ADD3: variants seen among roughly 807,000 people sequenced by gnomAD.
ADD3 encodes gamma-adducin.
A neutral mutation model predicts 80.2 loss-of-function variants in ADD3; 25 were observed. The ratio of observed to expected loss-of-function variants is 0.31; its 90% CI spans 0.23 to 0.44. The LOEUF is 0.44. Among genes scored for constraint, ADD3 ranks in the 20% least tolerant of loss-of-function variants. The probability of loss-of-function intolerance (pLI) is 1.00; values close to 1 mark genes in which losing one functional copy is unlikely to be tolerated. For synonymous variants in ADD3, 284 were observed against 289.6 expected (o/e 0.98, Z 0.20); for missense variants, 829 against 847.5 (o/e 0.98, Z 0.27).
intron 1 of ADD3, among the ~76,000 whole-genome samples, chr10:110,067,195 T>C (rs1472277456): frequency 1.3e-5 from 2 of 152,244 alleles, no homozygotes; most frequent in Non-Finnish European, 2.9e-5. Context: ...CTGAAATATT[T>C]TTCAACTTTC....
intron 1 of ADD3, among the ~76,000 whole-genome samples, chr10:110,083,002 T>C (rs1487805047): frequency 6.6e-6 from 1 of 152,194 alleles, no homozygotes. Flanking sequence ...GGGGGTATTA[T>C]GAGTCAAGAG....
intron 14 of ADD3, chr10:110,132,654 G>A (rs181233150): frequency 4.0e-4 from 155 of 389,424 alleles, no homozygotes; most frequent in African/African-American, 5.8e-4. Context: ...TTGGCTGGGC[G>A]CGGTGGCTCA....
At chr10:110,093,760 T>A (rs185479586) in intron 1 of ADD3, among the ~76,000 whole-genome samples, 10 of 152,340 alleles carry the variant, frequency 6.6e-5, no homozygotes, top group Admixed American at 6.5e-4. Flanking sequence ...TTTGTCTTTA[T>A]GCATCTTATT....
At chr10:110,011,973 A>C (rs1269012123) in intron 1 of ADD3, among the ~76,000 whole-genome samples, 2 of 152,244 alleles carry the variant, frequency 1.3e-5, no homozygotes, top group African/African-American at 2.4e-5. Flanking sequence ...AATCCTCTAA[A>C]ACATACAGGT....
chr10:110,021,803 G>C (rs1196845031), intron 1 of ADD3, among the ~76,000 whole-genome samples: 1 of 152,066 alleles, frequency 6.6e-6, no homozygotes, highest in African/African-American at 2.4e-5. Flanking sequence ...GGTGATGGTT[G>C]TGCAACATTG....
chr10:110,020,335 A>T (rs888839573), intron 1 of ADD3, among the ~76,000 whole-genome samples: 1 of 152,192 alleles, frequency 6.6e-6, no homozygotes, highest in African/African-American at 2.4e-5. Flanking sequence ...TACGTTAGTG[A>T]TAAATGTTAT....
chr10:110,121,066 T>A (rs948600589), intron 8 of ADD3, among the ~76,000 whole-genome samples: 34 of 151,970 alleles, frequency 2.2e-4, no homozygotes, highest in Non-Finnish European at 4.9e-4. Flanking sequence ...AACCTAGGCA[T>A]TACCATTCAG....
chr10:110,113,484 G>C (rs191095009), intron 3 of ADD3, among the ~76,000 whole-genome samples: 1 of 152,050 alleles, frequency 6.6e-6, no homozygotes, highest in Non-Finnish European at 1.5e-5. Context: ...GGTTAGGCTG[G>C]TCTTGAACTC....
At chr10:110,083,294 T>C (rs187855883) in intron 1 of ADD3, among the ~76,000 whole-genome samples, 9 of 152,130 alleles carry the variant, frequency 5.9e-5, no homozygotes, top group African/African-American at 2.2e-4. Context: ...GGGAAAACAG[T>C]CCAAATGTAT....
chr10:110,124,397 A>C lies in ADD3; in HGVS notation c.1401+123A>C, dbSNP rs1214449157. 3.4e-6 allele frequency: 4 copies of C among 1,182,174 alleles called. No homozygotes were observed. In the East Asian group the frequency reaches 1.0e-4, roughly 30 times the overall value. The allele number at this position is 1,182,174 out of a possible 1,614,324, so 73.2% of individuals were successfully genotyped here. ...AATATTAAAAATATTACTGTCACTT[A>C]TCTGGCTTTAACTTTGTGCAAGACA... On this transcript the variant is annotated intron_variant, in intron 10 of 14. Transcript: ENST00000356080.
chr10:110,052,803 A>G (rs879257260), intron 1 of ADD3, among the ~76,000 whole-genome samples: 1 of 152,248 alleles, frequency 6.6e-6, no homozygotes, highest in Non-Finnish European at 1.5e-5. Context: ...AGTGACTCAA[A>G]TGAAAGGAAC....
intron 3 of ADD3, among the ~76,000 whole-genome samples, chr10:110,114,056 G>A (rs1412128886): frequency 6.6e-6 from 1 of 152,216 alleles, no homozygotes; most frequent in Non-Finnish European, 1.5e-5. Flanking sequence ...TGCCCTGGAA[G>A]TGTCCTGGAT....
At chr10:110,087,720 CTATT>C (rs1846973343) in intron 1 of ADD3, among the ~76,000 whole-genome samples, 1 of 152,182 alleles carries the variant, frequency 6.6e-6, no homozygotes, top group African/African-American at 2.4e-5. Flanking sequence ...GGTGTGCTAT[CTATT>C]CACACTGTTG....
chr10:110,012,774 T>A (rs1211597709), intron 1 of ADD3, among the ~76,000 whole-genome samples: 1 of 152,158 alleles, frequency 6.6e-6, no homozygotes, highest in African/African-American at 2.4e-5. Context: ...TTTTCTTCTT[T>A]TGTATTTTTG....
intron 5 of ADD3, among the ~76,000 whole-genome samples, chr10:110,118,038 AC>A (rs1850991417): frequency 7.8e-6 from 1 of 128,988 alleles, no homozygotes; most frequent in African/African-American, 3.4e-5. Context: ...ACACACACAC[AC>A]ACACACACAC....
chr10:110,129,392 G>A (rs140668224), intron 12 of ADD3, among the ~76,000 whole-genome samples: 2 of 152,160 alleles, frequency 1.3e-5, no homozygotes, highest in East Asian at 3.9e-4. Context: ...CAGGTGATCT[G>A]CTCGCCTTGG....
At chr10:110,114,850 G>A (rs891717252) in intron 3 of ADD3, among the ~76,000 whole-genome samples, 2 of 152,154 alleles carry the variant, frequency 1.3e-5, no homozygotes, top group African/African-American at 2.4e-5. Context: ...GGCCAAGGCA[G>A]GAGGATCACT....
At chr10:110,017,998 C>T (rs1209617534) in intron 1 of ADD3, among the ~76,000 whole-genome samples, 1 of 152,152 alleles carries the variant, frequency 6.6e-6, no homozygotes, top group Non-Finnish European at 1.5e-5. Context: ...ACCCTTAGGG[C>T]TTCTGGTCCT....
chr10:110,033,830 C>T (rs571334503), intron 1 of ADD3, among the ~76,000 whole-genome samples: 2 of 152,248 alleles, frequency 1.3e-5, no homozygotes, highest in South Asian at 2.1e-4. Flanking sequence ...TGCTAGTTGC[C>T]TGCAGTGTTT....
Sources: gnomAD v4.1 joint callset for allele counts (sites outside exome capture counted in the v4.1 genomes callset) on GRCh38, gnomAD v4.1.1 for gene constraint, MANE v1.5 for transcripts, NCBI Gene and HGNC (gene_info 2026-07-23, HGNC 2026-07-21) for gene names.